Variants in BCAS3 observed in about 807,000 individuals in gnomAD.
The protein encoded by BCAS3 is BCAS4/BCAS3 fusion.
A neutral mutation model predicts 116.1 loss-of-function variants in BCAS3; 53 were observed. The observed-to-expected ratio is 0.46, with a 90% CI of 0.37 to 0.57. The LOEUF is 0.57. Ranked by LOEUF, BCAS3 falls within the 20% of genes least tolerant of loss-of-function variation. BCAS3 has a pLI of 0.00. For missense variants in BCAS3, 917 were observed against 1,165.4 expected (o/e 0.79, Z 3.10); for synonymous variants, 391 against 408.2 (o/e 0.96, Z 0.51).
chr17:60,953,329 C>T (rs1567953400), intron 14 of BCAS3, among the ~76,000 whole-genome samples: 1 of 152,006 alleles, frequency 6.6e-6, no homozygotes, highest in African/African-American at 2.4e-5. Flanking sequence ...GATGGTTTAT[C>T]CTGGTTTTGA....
intron 6 of BCAS3, among the ~76,000 whole-genome samples, chr17:60,782,342 A>AT (rs1568239399): frequency 6.6e-6 from 1 of 152,074 alleles, no homozygotes; most frequent in African/African-American, 2.4e-5. Flanking sequence ...AACAGCCACT[A>AT]TTTTTTGAGG....
chr17:61,272,587 C>T (rs1001788283), intron 22 of BCAS3, among the ~76,000 whole-genome samples: 9 of 117,974 alleles, frequency 7.6e-5, no homozygotes, highest in Admixed American at 2.5e-4. Flanking sequence ...TGCAGTGAGC[C>T]GGGAGTGCAC....
At chr17:61,290,166 C>T (rs557928917) in intron 22 of BCAS3, among the ~76,000 whole-genome samples, 3 of 152,314 alleles carry the variant, frequency 2.0e-5, no homozygotes, top group South Asian at 4.1e-4. Flanking sequence ...CTAAGCTTAT[C>T]TCCTTCATCT....
chr17:60,732,039 T>G (rs141955146), intron 5 of BCAS3, among the ~76,000 whole-genome samples: 4,811 of 152,180 alleles, frequency 0.032, 241 homozygotes, highest in African/African-American at 0.1. Flanking sequence ...CCTCCCAAAG[T>G]GCTGGGATTA....
rs2059513822 is a variant in BCAS3 at position 61,379,748 on chromosome 17, C to T, written c.2593+11254C>T. 1 of 152,282 alleles carries T rather than the reference C, an allele frequency of 6.6e-6. No individual in the cohort carries two copies. The highest frequency in any genetic ancestry group is 2.4e-5 in the African/African-American group (1 of 41,458). 9.4% of individuals were successfully genotyped at this position (152,282 alleles called of 1,614,324 possible). ...CATATGTTTTATGGGGTGTAGCCCG[C>T]TAGCTTGCAGTTCCACCCCTCTGCA... On this transcript the variant is annotated intron_variant, in intron 23 of 23. Coordinates refer to ENST00000407086, the MANE Select transcript of BCAS3 (RefSeq NM_017679.5). The surrounding 1 kb of genome is among the most constrained non-coding windows in gnomAD (Gnocchi z 5.5).
intron 22 of BCAS3, among the ~76,000 whole-genome samples, chr17:61,299,075 A>G (rs1293245885): frequency 2.0e-5 from 3 of 151,800 alleles, no homozygotes; most frequent in African/African-American, 7.3e-5. Flanking sequence ...CTCCCACCTC[A>G]GCCTCCCAAA....
At chr17:60,952,290 CT>C (rs1298274792) in intron 14 of BCAS3, among the ~76,000 whole-genome samples, 1 of 151,366 alleles carries the variant, frequency 6.6e-6, no homozygotes, top group Non-Finnish European at 1.5e-5. Context: ...GAAGTCTTAT[CT>C]TTTAAATTTT....
intron 22 of BCAS3, among the ~76,000 whole-genome samples, chr17:61,296,028 C>T (rs1385577823): frequency 6.6e-6 from 1 of 151,956 alleles, no homozygotes; most frequent in Non-Finnish European, 1.5e-5. Flanking sequence ...TTAGACAGCT[C>T]CTGCATCAGC....
At chr17:60,693,035 C>T (rs771130054) in intron 4 of BCAS3, among the ~76,000 whole-genome samples, 5 of 151,668 alleles carry the variant, frequency 3.3e-5, no homozygotes, top group African/African-American at 7.3e-5. Flanking sequence ...GGAGGTTGCC[C>T]GGCTAATTTT....
At chr17:61,138,266 A>G (rs1245118935) in intron 22 of BCAS3, among the ~76,000 whole-genome samples, 2 of 152,236 alleles carry the variant, frequency 1.3e-5, no homozygotes, top group African/African-American at 2.4e-5. Flanking sequence ...ATTGGCTATC[A>G]TTTTGAATAG....
At chr17:60,686,009 A>G (rs1219651265) in intron 3 of BCAS3, among the ~76,000 whole-genome samples, 2 of 150,970 alleles carry the variant, frequency 1.3e-5, no homozygotes, top group African/African-American at 4.9e-5. Context: ...AGCTGGGACT[A>G]CAGGCGCCCA....
At position 61,034,646 on chromosome 17, in the gene BCAS3, C is replaced by T. The variant is rs776101332; in HGVS notation, c.1638-20C>T. ...ATTTCATCATGATAATTGTTTTTTA[C>T]TCTTATTTTATTTTTTAAGCAAAGT... On this transcript the variant is annotated intron_variant, in intron 16 of 23. Coordinates refer to ENST00000407086, the MANE Select transcript of BCAS3 (RefSeq NM_017679.5). The surrounding 1 kb of genome is among the most constrained non-coding windows in gnomAD (Gnocchi z 5.0). The T allele has an allele frequency of 1.5e-5, 24 of 1,581,294 alleles. No individual in the cohort carries two copies. Among genetic ancestry groups the T allele is most frequent in the Non-Finnish European group, 2.0e-5 (23 of 1,158,924 alleles).
chr17:61,172,879 T>C (rs1445490703), intron 22 of BCAS3, among the ~76,000 whole-genome samples: 2 of 151,270 alleles, frequency 1.3e-5, no homozygotes, highest in Non-Finnish European at 2.9e-5. Context: ...TCCCAGCTAC[T>C]TGGGAAGCTG....
intron 10 of BCAS3, among the ~76,000 whole-genome samples, chr17:60,899,217 G>A (rs1599541313): frequency 1.3e-5 from 2 of 152,112 alleles, no homozygotes; most frequent in East Asian, 3.9e-4. Context: ...GGTAGGTGGG[G>A]AAAATGTGTC....
At chr17:60,703,707 G>T (rs548255939) in intron 4 of BCAS3, among the ~76,000 whole-genome samples, 1 of 152,116 alleles carries the variant, frequency 6.6e-6, no homozygotes, top group Admixed American at 6.5e-5. Context: ...GAGGTCAGGA[G>T]ATCGAGACCA....
rs916547347 is a variant in BCAS3 at position 61,322,802 on chromosome 17, G to C, written c.2426-45525G>C. On this transcript the variant is annotated intron_variant, in intron 22 of 23. Transcript: ENST00000407086. ...CTCTTGAGAGAGAGAGACAGAGAGA[G>C]AGAGAGAGAGAGAGAGAGAGAGAGA... Among the ~76,000 whole-genome samples the C allele has an allele frequency of 3.7e-3, 461 of 125,446 alleles. 4 individuals carry two copies. The highest frequency in any genetic ancestry group is 0.015 in the African/African-American group (433 of 29,602). 82.3% of individuals were successfully genotyped at this position (125,446 alleles called of 152,430 possible).
chr17:61,209,332 G>A (rs1365377603), intron 22 of BCAS3, among the ~76,000 whole-genome samples: 5 of 151,888 alleles, frequency 3.3e-5, no homozygotes, highest in Non-Finnish European at 5.9e-5. Context: ...AATCGTGATT[G>A]TCTTGGTTAC....
In BCAS3 at chr17:60,906,631, G is replaced by A. The variant is rs1027425070; in HGVS notation, c.823-3901G>A. ...AATGTCTGGATTTCCTTATTCTTTC[G>A]GATTCTGACTTTGTAACTCAGTACC... On this transcript the variant is annotated intron_variant, in intron 11 of 23. Transcript: ENST00000407086. Among the ~76,000 whole-genome samples, 6 of 151,914 alleles carry A rather than the reference G, an allele frequency of 3.9e-5. No individual in the cohort carries two copies. In the South Asian group the frequency reaches 8.3e-4, roughly 21 times the overall value.
At chr17:60,900,021 A>T (rs1376802323) in intron 10 of BCAS3, 1 of 152,480 alleles carries the variant, frequency 6.6e-6, no homozygotes, top group Admixed American at 6.5e-5. Flanking sequence ...TTCAGCATCA[A>T]TATGGTGACC....
Sources: allele counts gnomAD v4.1 joint callset (sites outside exome capture counted in the v4.1 genomes callset), GRCh38; gene constraint gnomAD v4.1.1; non-coding constraint Gnocchi (gnomAD v3.1); transcripts MANE v1.5; gene names NCBI Gene and HGNC (gene_info 2026-07-23, HGNC 2026-07-21).